The following NR3C2 variants were observed in gnomAD, a reference collection of about 807,000 sequenced individuals.
NR3C2 encodes the protein mineralocorticoid receptor.
A neutral mutation model predicts 86.4 loss-of-function variants in NR3C2; 15 were observed. That is an observed-to-expected ratio of 0.17 (90% confidence interval 0.12 to 0.27). The LOEUF is 0.27. Among genes scored for constraint, NR3C2 ranks in the 10% least tolerant of loss-of-function variants. The pLI, the probability that NR3C2 is intolerant of heterozygous loss-of-function variation, is 1.00. For missense variants in NR3C2, 960 were observed against 1,195.6 expected (o/e 0.80, Z 2.91); for synonymous variants, 458 against 450.5 (o/e 1.02, Z -0.21).
In NR3C2 at chr4:148,114,092, G is replaced by A. The variant is rs1732165837; in HGVS notation, c.2799+12C>T. 6.2e-7 allele frequency: 1 copy of A among 1,612,296 alleles called. No homozygotes were observed. The highest frequency in any genetic ancestry group is 1.3e-5 in the African/African-American group (1 of 74,840). On this transcript the variant is annotated intron_variant, in intron 8 of 8. Transcript: ENST00000358102. Reference sequence around the variant, plus strand: ...ATCCTTCACTTAGGAACCAAGGAGGGGCTCTACTCACGTCATGCATGGAGT... The same window carrying A: ...ATCCTTCACTTAGGAACCAAGGAGGAGCTCTACTCACGTCATGCATGGAGT...
At chr4:148,193,284 G>C (rs765313680) in intron 4 of NR3C2, among the ~76,000 whole-genome samples, 6 of 152,200 alleles carry the variant, frequency 3.9e-5, no homozygotes, top group Non-Finnish European at 5.9e-5. Context: ...GGAGAGGAGG[G>C]TCTCCCTTTC....
At chr4:148,102,103 C>G (rs991295543) in intron 8 of NR3C2, among the ~76,000 whole-genome samples, 2 of 152,216 alleles carry the variant, frequency 1.3e-5, no homozygotes, top group African/African-American at 2.4e-5. Context: ...GGCACACACT[C>G]TCTTTTCTGG....
chr4:148,364,294 C>T (rs936584800), intron 2 of NR3C2, among the ~76,000 whole-genome samples: 1 of 152,184 alleles, frequency 6.6e-6, no homozygotes, highest in East Asian at 1.9e-4. Context: ...GCTTTTCTCC[C>T]ATGCTTTGCC....
At chr4:148,256,300 C>T (rs922994992) in intron 3 of NR3C2, among the ~76,000 whole-genome samples, 1 of 152,144 alleles carries the variant, frequency 6.6e-6, no homozygotes, top group African/African-American at 2.4e-5. Context: ...TAATGAAGAT[C>T]TAACAAAGGA....
intron 3 of NR3C2, among the ~76,000 whole-genome samples, chr4:148,222,681 T>C (rs1737922592): frequency 6.6e-6 from 1 of 152,230 alleles, no homozygotes; most frequent in African/African-American, 2.4e-5. Flanking sequence ...TTCTGTTGGA[T>C]AGAGACACCT....
At chr4:148,242,370 C>T (rs946688148) in intron 3 of NR3C2, among the ~76,000 whole-genome samples, 4 of 152,300 alleles carry the variant, frequency 2.6e-5, no homozygotes, top group Admixed American at 2.6e-4. Context: ...AATCTGGCAA[C>T]ATTTCTTAAA....
chr4:148,107,239 G>A (rs1416250138), intron 8 of NR3C2, among the ~76,000 whole-genome samples: 1 of 152,050 alleles, frequency 6.6e-6, no homozygotes, highest in Non-Finnish European at 1.5e-5. Context: ...CAGCAAACAT[G>A]AAAAAAAGCT....
At chr4:148,115,469 G>A (rs1732232211) in intron 7 of NR3C2, among the ~76,000 whole-genome samples, 1 of 152,182 alleles carries the variant, frequency 6.6e-6, no homozygotes. Context: ...TTAACATTCT[G>A]ATTTTGAAAC....
chr4:148,384,071 C>G (rs970301199), intron 2 of NR3C2, among the ~76,000 whole-genome samples: 2 of 151,658 alleles, frequency 1.3e-5, no homozygotes, highest in Non-Finnish European at 2.9e-5. Context: ...TGGCAATTAC[C>G]AGGAAGAAAA....
At chr4:148,237,547 T>A (rs1406196028) in intron 3 of NR3C2, among the ~76,000 whole-genome samples, 1 of 152,168 alleles carries the variant, frequency 6.6e-6, no homozygotes, top group Admixed American at 6.5e-5. Flanking sequence ...TTTTCCACTT[T>A]AGTAAAGAGA....
At chr4:148,336,315 G>A (rs1036171786) in intron 2 of NR3C2, among the ~76,000 whole-genome samples, 2 of 152,164 alleles carry the variant, frequency 1.3e-5, no homozygotes, top group African/African-American at 4.8e-5. Flanking sequence ...GATTATGCAG[G>A]CAGAGCCCCG....
chr4:148,341,272 C>T lies in NR3C2; in HGVS notation c.1758-81155G>A, dbSNP rs28897121. ...GATACTAACAGTGGAATATTATTCG[C>T]CCATGAAAAGAATGAAATCCTGTGA... On this transcript the variant is annotated intron_variant, in intron 2 of 8. Transcript: ENST00000358102. Among the ~76,000 whole-genome samples the T allele has an allele frequency of 6.3e-3, 960 of 152,100 alleles. 7 individuals are homozygous for T. Among genetic ancestry groups the T allele is most frequent in the African/African-American group, 0.022 (932 of 41,490 alleles).
chr4:148,323,062 G>A (rs1042679011), intron 2 of NR3C2, among the ~76,000 whole-genome samples: 12 of 147,928 alleles, frequency 8.1e-5, no homozygotes, highest in South Asian at 2.2e-4. Flanking sequence ...TTTTTGGTGT[G>A]GATGTCCTTT....
chr4:148,323,794 C>T (rs958571042), intron 2 of NR3C2, among the ~76,000 whole-genome samples: 3 of 152,132 alleles, frequency 2.0e-5, no homozygotes, highest in Non-Finnish European at 4.4e-5. Flanking sequence ...CTCCCTAGTG[C>T]GATGAACCCG....
At chr4:148,394,540 A>G (rs947147418) in intron 2 of NR3C2, among the ~76,000 whole-genome samples, 1 of 150,120 alleles carries the variant, frequency 6.7e-6, no homozygotes, top group South Asian at 2.1e-4. Flanking sequence ...AAAAAATAGC[A>G]GAGTGGCAGA....
intron 2 of NR3C2, among the ~76,000 whole-genome samples, chr4:148,312,362 A>G (rs1742944852): frequency 2.6e-5 from 4 of 152,226 alleles, no homozygotes. Context: ...CAGTTCAACC[A>G]CATTGGTAGC....
intron 2 of NR3C2, among the ~76,000 whole-genome samples, chr4:148,373,473 TTTTTTTC>T (rs1413912346): frequency 3.7e-5 from 5 of 135,692 alleles, no homozygotes; most frequent in South Asian, 2.3e-4. Flanking sequence ...AGGATGACTT[TTTTTTTC>T]TTTTTTTTTT....
intron 2 of NR3C2, among the ~76,000 whole-genome samples, chr4:148,281,225 G>A (rs558894534): frequency 7.9e-5 from 12 of 152,338 alleles, no homozygotes; most frequent in South Asian, 2.1e-4. Context: ...GGGAAAAAGC[G>A]GGTGAAAGAT....
intron 2 of NR3C2, among the ~76,000 whole-genome samples, chr4:148,424,255 A>T (rs1433678668): frequency 6.6e-6 from 1 of 152,254 alleles, no homozygotes; most frequent in Admixed American, 6.5e-5. Flanking sequence ...ATCCCTACAC[A>T]TGTACTATAA....
Sources: allele counts gnomAD v4.1 joint callset (sites outside exome capture counted in the v4.1 genomes callset), GRCh38; gene constraint gnomAD v4.1.1; transcripts MANE v1.5; gene names NCBI Gene and HGNC (gene_info 2026-07-23, HGNC 2026-07-21).